LYST: variants seen among roughly 807,000 people sequenced by gnomAD.
LYST encodes lysosomal-trafficking regulator.
A neutral mutation model predicts 413.6 loss-of-function variants in LYST; 192 were observed. The observed-to-expected ratio is 0.46, with a 90% CI of 0.41 to 0.52. The LOEUF is 0.52. LYST is among the 20% of genes least tolerant of loss of function. The pLI is 0.00. For synonymous variants in LYST, 1,525 were observed against 1,567.3 expected (o/e 0.97, Z 0.64); for missense variants, 3,815 against 4,499.9 (o/e 0.85, Z 4.35).
intron 50 of LYST, among the ~76,000 whole-genome samples, chr1:235,666,601 CACACAT>C (rs1213711514): frequency 9.0e-6 from 1 of 111,268 alleles, no homozygotes; most frequent in African/African-American, 3.5e-5. Flanking sequence ...CACACACACA[CACACAT>C]ACACACACAC....
chr1:235,804,194 G>C (rs550329846), intron 7 of LYST, among the ~76,000 whole-genome samples: 1 of 152,200 alleles, frequency 6.6e-6, no homozygotes, highest in Non-Finnish European at 1.5e-5. Context: ...TACACTATCA[G>C]GTATATGTAA....
At chr1:235,867,008 T>C (rs1426270491), upstream of LYST, 4 of 148,234 alleles carry the variant, frequency 2.7e-5, no homozygotes, top group African/African-American at 7.5e-5. Flanking sequence ...CCAGACCCGC[T>C]CGTCTGCGCG....
At chr1:235,753,663 CA>C (rs1438190933) in intron 25 of LYST, among the ~76,000 whole-genome samples, 1 of 152,124 alleles carries the variant, frequency 6.6e-6, no homozygotes, top group African/African-American at 2.4e-5. Flanking sequence ...AGAGGTCTAG[CA>C]AAAGGGAATG....
intron 39 of LYST, among the ~76,000 whole-genome samples, chr1:235,721,527 C>T (rs963419675): frequency 1.3e-5 from 2 of 151,946 alleles, no homozygotes; most frequent in South Asian, 2.1e-4. Flanking sequence ...AAAAAACAGA[C>T]AAGACGAGCT....
intron 50 of LYST, among the ~76,000 whole-genome samples, chr1:235,665,332 A>G (rs2103009519): frequency 6.6e-6 from 1 of 152,186 alleles, no homozygotes; most frequent in African/African-American, 2.4e-5. Context: ...TGACTTGGCC[A>G]GGCGTGGTGC....
chr1:235,691,129 A>G (rs1412169915), intron 47 of LYST, among the ~76,000 whole-genome samples: 2 of 152,036 alleles, frequency 1.3e-5, no homozygotes, highest in Non-Finnish European at 2.9e-5. Flanking sequence ...TGTGTTAGCC[A>G]GGATGGTCTC....
intron 49 of LYST, 94 bp from the exon 50 acceptor site, chr1:235,677,282 G>T: frequency 9.0e-7 from 1 of 1,109,486 alleles, no homozygotes; most frequent in Non-Finnish European, 1.4e-6. Flanking sequence ...TGTACCTATT[G>T]TACATAAGGC....
intron 46 of LYST, among the ~76,000 whole-genome samples, 197 bp downstream of exon 46, chr1:235,696,886 T>C (rs1187993486): frequency 6.6e-6 from 1 of 152,198 alleles, no homozygotes; most frequent in Non-Finnish European, 1.5e-5. Context: ...AAGTTCCTCC[T>C]CTCATTTCAA....
intron 1 of LYST, among the ~76,000 whole-genome samples, chr1:235,853,931 C>T (rs60807396): frequency 0.063 from 9,513 of 151,976 alleles, 995 homozygotes; most frequent in African/African-American, 0.22. Flanking sequence ...CCCTGAGCAC[C>T]GCAAAAGGGT....
chr1:235,711,472 T>C (rs900313410), intron 43 of LYST, among the ~76,000 whole-genome samples: 1 of 152,196 alleles, frequency 6.6e-6, no homozygotes, highest in Non-Finnish European at 1.5e-5. Context: ...AAGGATCACA[T>C]AAAATTATAG....
intron 15 of LYST, 146 bp downstream of exon 15, chr1:235,781,781 G>A (rs979375023): frequency 1.7e-5 from 11 of 644,826 alleles, no homozygotes; most frequent in South Asian, 3.5e-5. Flanking sequence ...CACAAGTAAA[G>A]GAACATAGAT....
chr1:235,869,715 A>C (rs1324134270), upstream of LYST, among the ~76,000 whole-genome samples: 1 of 152,216 alleles, frequency 6.6e-6, no homozygotes, highest in Non-Finnish European at 1.5e-5. Flanking sequence ...ATCATGTCAC[A>C]TCTCTGCTCA....
Position 235,677,617 on chromosome 1 carries a change from T to C in LYST, c.10803A>G (p.Pro3601=). 6.2e-7 allele frequency: 1 copy of C among 1,611,576 alleles called. No homozygotes were observed. The highest frequency in any genetic ancestry group is 8.5e-7 in the Non-Finnish European group (1 of 1,177,934). Residue 3601 remains proline, a splice_region_variant and synonymous_variant, in exon 49 of 53, where the codon CCA becomes CCG. Coordinates refer to ENST00000389793, the MANE Select transcript of LYST (RefSeq NM_000081.4). ...AYTNRFTSST[P]SEIEMETQIH... is the part of the protein sequence containing the mutation. ...TTTGAGTCTCCATTTCTATTTCTGA[T>C]GGCTGAAATTTTAAAATTAAGTATG...
In LYST at chr1:235,858,012, T is replaced by G. The variant is rs569283549; in HGVS notation, c.-98+8831A>C. On this transcript the variant is annotated intron_variant, in intron 1 of 52. Transcript: ENST00000389793. ...GACCTTTGAGTCAGCCATCTCCATTTACTGAGAATTTTGTCGTATGACTAT... is the reference window on the plus strand; with the variant it reads ...GACCTTTGAGTCAGCCATCTCCATTGACTGAGAATTTTGTCGTATGACTAT... Among the ~76,000 whole-genome samples the G allele has an allele frequency of 5.3e-4, 80 of 152,306 alleles. 1 individual carries two copies. Among genetic ancestry groups the G allele is most frequent in the Non-Finnish European group, 9.7e-4 (66 of 68,030 alleles).
Position 235,830,395 on chromosome 1 carries a change from A to C in LYST, c.23T>G (p.Leu8Arg), listed in dbSNP as rs1313658431. ...GACATCGGTCAGAAATTCACGTGCC[A>C]GTGAGTTACTGTCGGTGCTCATGAC... MSTDSNS[L>R]AREFLTDVNR... Residue 8 changes from leucine to arginine, a missense_variant, in exon 3 of 53, where the codon CTG (leucine) becomes CGG (arginine). Transcript: ENST00000389793. 1 of 1,613,614 alleles carries C rather than the reference A, an allele frequency of 6.2e-7. No individual in the cohort carries two copies.
At chr1:235,701,536 G>A (rs1661549835) in intron 45 of LYST, among the ~76,000 whole-genome samples, 1 of 152,158 alleles carries the variant, frequency 6.6e-6, no homozygotes, top group African/African-American at 2.4e-5. Context: ...GCTGAGGCAG[G>A]AGAACTGTTT....
intron 15 of LYST, 86 bp from the exon 16 acceptor site, chr1:235,781,141 TG>T (rs1329575077): frequency 1.2e-6 from 1 of 847,100 alleles, no homozygotes; most frequent in Admixed American, 2.1e-5. Context: ...AATTATTTTT[TG>T]TAGCCAGATT....
chr1:235,766,683 T>G (rs1668180717), intron 20 of LYST, among the ~76,000 whole-genome samples: 1 of 152,168 alleles, frequency 6.6e-6, no homozygotes, highest in Non-Finnish European at 1.5e-5. Flanking sequence ...AGTGCTACTT[T>G]ATAGGGTTGT....
intron 50 of LYST, among the ~76,000 whole-genome samples, chr1:235,672,866 A>C (rs1659060606): frequency 6.6e-6 from 1 of 152,130 alleles, no homozygotes; most frequent in South Asian, 2.1e-4. Context: ...ATTTGAGACA[A>C]AGGATCAGTT....
Sources: gnomAD v4.1 joint callset for allele counts (sites outside exome capture counted in the v4.1 genomes callset) on GRCh38, gnomAD v4.1.1 for gene constraint, MANE v1.5 for transcripts, NCBI Gene and HGNC (gene_info 2026-07-23, HGNC 2026-07-21) for gene names.